GIGYF2: variants seen among roughly 807,000 people sequenced by gnomAD.
GIGYF2 encodes the protein GRB10 interacting GYF protein 2, also known as GRB10-interacting GYF protein 2.
A neutral mutation model predicts 208.1 loss-of-function variants in GIGYF2; 25 were observed. The ratio of observed to expected loss-of-function variants is 0.12; its 90% CI spans 0.09 to 0.17. GIGYF2 has a LOEUF of 0.17. GIGYF2 is among the 10% of genes least tolerant of loss of function. The pLI, the probability that GIGYF2 is intolerant of heterozygous loss-of-function variation, is 1.00. For synonymous variants in GIGYF2, 534 were observed against 543.8 expected (o/e 0.98, Z 0.25); for missense variants, 1,302 against 1,579.4 (o/e 0.82, Z 2.98).
At chr2:232,778,924 T>C (rs550533052) in intron 8 of GIGYF2, among the ~76,000 whole-genome samples, 1 of 152,176 alleles carries the variant, frequency 6.6e-6, no homozygotes, top group East Asian at 1.9e-4. Context: ...CTTCCCTGAT[T>C]GATGAAATTC....
chr2:232,845,677 A>G, intron 25 of GIGYF2, 55 bp from the exon 26 acceptor site: 2 of 1,415,996 alleles, frequency 1.4e-6, no homozygotes, highest in South Asian at 1.1e-5. Context: ...GTTGTACTAT[A>G]ATCATATAGT....
chr2:232,715,493 A>G (rs1258754467), intron 2 of GIGYF2, among the ~76,000 whole-genome samples: 1 of 152,118 alleles, frequency 6.6e-6, no homozygotes, highest in African/African-American at 2.4e-5. Context: ...AATAATTCAC[A>G]TAGAAATAAT....
intron 20 of GIGYF2, 114 bp from the exon 21 acceptor site, chr2:232,819,713 G>T: frequency 1.5e-6 from 1 of 673,002 alleles, no homozygotes; most frequent in Non-Finnish European, 2.7e-6. Flanking sequence ...TATGTTTACT[G>T]TTTAACAGAG....
chr2:232,729,437 T>G, intron 2 of GIGYF2: 2 of 655,788 alleles, frequency 3.0e-6, no homozygotes, highest in Non-Finnish European at 4.5e-6. Context: ...ATTTGATAAT[T>G]AAATAACTTG....
intron 5 of GIGYF2, 136 bp downstream of exon 5, chr2:232,749,218 T>G (rs1346223143): frequency 8.3e-6 from 6 of 726,926 alleles, no homozygotes; most frequent in Non-Finnish European, 1.5e-5. Flanking sequence ...CTTGGTATGT[T>G]GATGCTTATT....
At chr2:232,797,689 A>T (rs1362038524) in intron 14 of GIGYF2, among the ~76,000 whole-genome samples, 2 of 152,184 alleles carry the variant, frequency 1.3e-5, no homozygotes, top group Non-Finnish European at 2.9e-5. Flanking sequence ...TATGGTCAAG[A>T]TTCAGAACAT....
intron 22 of GIGYF2, among the ~76,000 whole-genome samples, chr2:232,836,399 A>AATATATATATAAATATATAT (rs71056301): frequency 0.033 from 1,590 of 47,700 alleles, 190 homozygotes; most frequent in Admixed American, 0.072. Context: ...TATAAATATA[A>AATATATATATAAATATATAT]ATATATATAT....
rs2106242748 is a variant in GIGYF2, at chr2:232,703,441, C to G, written c.-92C>G. On this transcript the variant is annotated 5_prime_UTR_variant, in exon 2 of 29. Transcript: ENST00000373563. The stretch of plus-strand genomic sequence containing the variant: ...ATTTACAGCGTTAAAAGGATCTGAA[C>G]AAAGTCTGCTCAAATCTCCTGCTGT... 1 of 152,756 alleles carries G rather than the reference C, an allele frequency of 6.5e-6. No homozygotes were observed. Among genetic ancestry groups the G allele is most frequent in the East Asian group, 1.9e-4 (1 of 5,184 alleles). The allele number at this position is 152,756 out of a possible 1,614,324, so 9.5% of individuals were successfully genotyped here. A position where few individuals can be genotyped will look rare whatever the true frequency, so the allele number is the denominator to read the frequency against.
chr2:232,791,362 C>A lies in GIGYF2; in HGVS notation c.1198C>A (p.Pro400Thr), dbSNP rs1340221467. Residue 400 changes from proline to threonine, a missense_variant, in exon 12 of 29, where the codon CCA becomes ACA. Around this residue, in one of 8 missense-constraint regions of GIGYF2, gnomAD observed 235 missense variants for 218.8 expected, o/e 1.07. Coordinates refer to ENST00000373563, the MANE Select transcript of GIGYF2 (RefSeq NM_001103146.3). ...EASQFERKDE[P>T]KTEQTEKAEE... ...ATCACAGTTTGAGAGGAAAGATGAA[C>A]CAAAAACTGAGCAAACGGAAAAAGC... 1 of 1,613,994 alleles carries A rather than the reference C, an allele frequency of 6.2e-7. No individual in the cohort carries two copies. The highest frequency in any genetic ancestry group is 8.5e-7 in the Non-Finnish European group (1 of 1,179,974).
At chr2:232,789,559 G>C (rs1430091512) in intron 9 of GIGYF2, among the ~76,000 whole-genome samples, 1 of 152,084 alleles carries the variant, frequency 6.6e-6, no homozygotes, top group African/African-American at 2.4e-5. Context: ...TGGGAGTGTG[G>C]GACTAAGATT....
At chr2:232,798,106 A>C (rs112190035) in intron 14 of GIGYF2, among the ~76,000 whole-genome samples, 37 of 152,170 alleles carry the variant, frequency 2.4e-4, no homozygotes, top group Non-Finnish European at 3.7e-4. Flanking sequence ...AACCTCTAGC[A>C]ATGACTAATC....
rs116596062 is a variant in GIGYF2 at position 232,777,144 on chromosome 2, C to A, written c.533-10006C>A. Among the ~76,000 whole-genome samples, 900 of 151,570 alleles carry A rather than the reference C, an allele frequency of 5.9e-3. 10 individuals carry two copies. The highest frequency in any genetic ancestry group is 0.021 in the African/African-American group (872 of 41,272). On this transcript the variant is annotated intron_variant, in intron 8 of 28. Transcript: ENST00000373563. ...TTTTTTTAAAGGCTGTATACAAAGA[C>A]CTTGAATAGGAATAAAATTAATTGT...
intron 25 of GIGYF2, among the ~76,000 whole-genome samples, chr2:232,845,028 A>G (rs928025424): frequency 2.6e-5 from 4 of 152,088 alleles, no homozygotes; most frequent in Non-Finnish European, 5.9e-5. Context: ...TCTTTCTTCA[A>G]TATACAGTGT....
intron 2 of GIGYF2, among the ~76,000 whole-genome samples, chr2:232,718,044 G>T (rs531568955): frequency 6.6e-6 from 1 of 151,990 alleles, no homozygotes; most frequent in African/African-American, 2.4e-5. Flanking sequence ...ATGATATCTG[G>T]GTGATTTCGC....
chr2:232,850,764 A>G (rs192524556), intron 28 of GIGYF2, among the ~76,000 whole-genome samples: 1 of 152,336 alleles, frequency 6.6e-6, no homozygotes, highest in East Asian at 1.9e-4. Flanking sequence ...TTAAATGCTT[A>G]TTTGTATTGA....
At position 232,796,154 on chromosome 2, in the gene GIGYF2, G is replaced by C; in HGVS notation, c.1572G>C (p.Val524=). Residue 524 remains valine, a synonymous_variant, in exon 14 of 29, where the codon GTG becomes GTC. Coordinates refer to ENST00000373563, the MANE Select transcript of GIGYF2 (RefSeq NM_001103146.3). ...SKLQEHRAKG[V]SIPLMHEAMQ... ...TGCAAGAGCACAGAGCTAAAGGAGT[G>C]TCGATTCCATTGATGCATGAAGCAA... The C allele has an allele frequency of 6.2e-7, 1 of 1,601,488 alleles. No individual in the cohort carries two copies. Among genetic ancestry groups the C allele is most frequent in the South Asian group, 1.1e-5 (1 of 90,834 alleles).
chr2:232,734,762 A>T (rs1007923118), intron 2 of GIGYF2, among the ~76,000 whole-genome samples: 3 of 152,216 alleles, frequency 2.0e-5, no homozygotes, highest in Non-Finnish European at 2.9e-5. Flanking sequence ...TCATGGTGAT[A>T]GGGGAGTCAT....
intron 3 of GIGYF2, chr2:232,736,186 C>T: frequency 1.0e-6 from 1 of 978,194 alleles, no homozygotes; most frequent in Non-Finnish European, 1.2e-6. Flanking sequence ...GTTCTAAGAA[C>T]CGATGGAACT....
At chr2:232,825,220 A>G (rs149788280) in intron 21 of GIGYF2, among the ~76,000 whole-genome samples, 25 of 152,358 alleles carry the variant, frequency 1.6e-4, no homozygotes, top group African/African-American at 5.5e-4. Context: ...TTTAAGAAAC[A>G]TACTTCATAA....
Sources: gnomAD v4.1 joint callset for allele counts (sites outside exome capture counted in the v4.1 genomes callset) on GRCh38, gnomAD v4.1.1 for gene constraint, gnomAD v4.1.1 regional missense constraint, MANE v1.5 for transcripts, NCBI Gene and HGNC (gene_info 2026-07-23, HGNC 2026-07-21) for gene names.